Variants in FAM120B observed in about 807,000 individuals in gnomAD.
FAM120B encodes constitutive coactivator of peroxisome proliferator-activated receptor gamma.
A neutral mutation model predicts 96.3 loss-of-function variants in FAM120B; 83 were observed. That is an observed-to-expected ratio of 0.86 (90% CI 0.72 to 1.03). The LOEUF (loss-of-function observed/expected upper bound fraction) is 1.03, where lower values mean the gene tolerates loss of function less well. Among genes scored for constraint, FAM120B ranks in the 50% least tolerant of loss-of-function variants. The pLI is 0.00. For missense variants in FAM120B, 1,027 were observed against 1,121.2 expected (o/e 0.92, Z 1.20); for synonymous variants, 407 against 402.7 (o/e 1.01, Z -0.13).
At chr6:170,297,304 C>T (rs956828741) in intron 1 of FAM120B, among the ~76,000 whole-genome samples, 15 of 152,212 alleles carry the variant, frequency 9.9e-5, no homozygotes, top group Middle Eastern at 3.2e-3. Context: ...TCGAACGCGC[C>T]GTGCTTCCCC....
chr6:170,396,222 G>A (rs556343509), intron 9 of FAM120B, among the ~76,000 whole-genome samples: 15 of 152,216 alleles, frequency 9.9e-5, no homozygotes, highest in South Asian at 2.1e-4. Context: ...CTTTCACAAC[G>A]TCTAAAATGT....
At chr6:170,362,974 C>A (rs1470872702) in intron 6 of FAM120B, among the ~76,000 whole-genome samples, 1 of 152,132 alleles carries the variant, frequency 6.6e-6, no homozygotes, top group African/African-American at 2.4e-5. Context: ...CAGGAGCCAC[C>A]ACCGTGGCAA....
In FAM120B at chr6:170,365,938, T is replaced by C. The variant is rs75391832; in HGVS notation, c.2283+7620T>C. On this transcript the variant is annotated intron_variant, in intron 6 of 10. Coordinates refer to ENST00000476287, the MANE Select transcript of FAM120B (RefSeq NM_032448.3). The stretch of plus-strand genomic sequence containing the variant: ...CTGTGACAGGCTCAGCAGGTGTTGG[T>C]AAAAGGACCCTTGGCCAGAAATGCA... Among the ~76,000 whole-genome samples, 1,338 of 152,084 alleles carry C rather than the reference T, an allele frequency of 8.8e-3. 65 individuals are homozygous for C. In the East Asian group the frequency reaches 0.1, roughly 12 times the overall value.
intron 5 of FAM120B, among the ~76,000 whole-genome samples, chr6:170,352,321 C>A (rs1053713879): frequency 2.6e-5 from 4 of 152,182 alleles, no homozygotes; most frequent in Admixed American, 2.6e-4. Context: ...GACTCCCACA[C>A]AATAATAGTG....
intron 1 of FAM120B, among the ~76,000 whole-genome samples, chr6:170,297,551 C>T (rs1164235575): frequency 1.3e-5 from 2 of 152,204 alleles, no homozygotes; most frequent in Non-Finnish European, 2.9e-5. Context: ...CTCCCAAAGC[C>T]TTCCCTCCAG....
At chr6:170,334,988 G>A (rs565559992) in intron 4 of FAM120B, among the ~76,000 whole-genome samples, 1 of 146,330 alleles carries the variant, frequency 6.8e-6, no homozygotes, top group Non-Finnish European at 1.5e-5. Context: ...TTTGAATTTT[G>A]TTCATCTAAA....
At chr6:170,303,847 G>C (rs1784194984), upstream of FAM120B, among the ~76,000 whole-genome samples, 1 of 151,926 alleles carries the variant, frequency 6.6e-6, no homozygotes, top group South Asian at 2.1e-4. Flanking sequence ...TTCAATAATG[G>C]CCTCATTTAT....
At chr6:170,340,078 G>A (rs1786716398) in intron 4 of FAM120B, among the ~76,000 whole-genome samples, 1 of 152,128 alleles carries the variant, frequency 6.6e-6, no homozygotes, top group African/African-American at 2.4e-5. Context: ...ATATCCTAAA[G>A]TGTGTTTTCC....
At chr6:170,368,805 G>T (rs1487062107) in intron 6 of FAM120B, among the ~76,000 whole-genome samples, 1 of 97,596 alleles carries the variant, frequency 1.0e-5, no homozygotes, top group African/African-American at 3.9e-5. Flanking sequence ...CAGCAGCTCT[G>T]CTGTCTGCCG....
Position 170,330,414 on chromosome 6 carries a change from C to G in FAM120B, c.1916-35C>G, listed in dbSNP as rs375393734. ...CACTGTGAGCCTGGCGATGCATGCCCTCATGCATCTACTGACCCAACTCTT... is the reference window on the plus strand; with the variant it reads ...CACTGTGAGCCTGGCGATGCATGCCGTCATGCATCTACTGACCCAACTCTT... On this transcript the variant is annotated intron_variant, in intron 3 of 10. Coordinates refer to ENST00000476287, the MANE Select transcript of FAM120B (RefSeq NM_032448.3). 4 of 1,504,170 alleles carry G rather than the reference C, an allele frequency of 2.7e-6. No individual in the cohort carries two copies. The East Asian group carries it at 9.0e-5, about 34-fold the overall frequency. The allele number at this position is 1,504,170 out of a possible 1,614,324, so 93.2% of individuals were successfully genotyped here. A position where few individuals can be genotyped will look rare whatever the true frequency, so the allele number is the denominator to read the frequency against.
chr6:170,372,668 C>T (rs1789268739), intron 6 of FAM120B, among the ~76,000 whole-genome samples: 1 of 152,132 alleles, frequency 6.6e-6, no homozygotes, highest in Non-Finnish European at 1.5e-5. Flanking sequence ...GGGTTCTGCC[C>T]TCATGGAGCA....
chr6:170,386,649 C>G (rs1790202077), intron 6 of FAM120B, among the ~76,000 whole-genome samples: 1 of 152,206 alleles, frequency 6.6e-6, no homozygotes, highest in Non-Finnish European at 1.5e-5. Flanking sequence ...CAGAGGGCTT[C>G]CCTGTGAGTT....
upstream of FAM120B, among the ~76,000 whole-genome samples, chr6:170,293,863 T>C (rs1206200808): frequency 4.0e-5 from 6 of 151,798 alleles, no homozygotes; most frequent in East Asian, 1.9e-4. Flanking sequence ...TAGGAGCCTG[T>C]TGTAGTTTAA....
upstream of FAM120B, chr6:170,290,751 C>G (rs983743048): frequency 3.2e-4 from 145 of 457,172 alleles, 1 homozygote; most frequent in Non-Finnish European, 5.5e-5. This position sits in a 1 kb window ranked among gnomAD's most constrained non-coding sequence, Gnocchi z 4.7. Context: ...GCTCCGATCT[C>G]CGGTGTCACA....
Position 170,318,213 on chromosome 6 carries a change from C to G in FAM120B, c.823C>G (p.Leu275Val), listed in dbSNP as rs1785030305. 6.2e-7 allele frequency: 1 copy of G among 1,613,814 alleles called. No individual in the cohort carries two copies. Among genetic ancestry groups the G allele is most frequent in the Admixed American group, 1.7e-5 (1 of 59,932 alleles). Residue 275 changes from leucine (L) to valine (V), a missense_variant, in exon 2 of 11, where the codon CTT (leucine) becomes GTT (valine). Transcript: ENST00000476287. ...TGTGTCAGACCATATATCGAAAGTT[C>G]TTTACTTGTATCAAGGTGAGAAAAA... The part of the protein sequence containing the change: ...LAVSDHISKV[L>V]YLYQGEKKLE...
intron 1 of FAM120B, among the ~76,000 whole-genome samples, chr6:170,299,841 C>T (rs1056526838): frequency 1.3e-5 from 2 of 152,222 alleles, no homozygotes; most frequent in Non-Finnish European, 2.9e-5. Flanking sequence ...TGCTCTCCTT[C>T]TTTCTGCTCT....
intron 1 of FAM120B, among the ~76,000 whole-genome samples, chr6:170,309,898 A>G (rs1021650195): frequency 1.3e-5 from 2 of 152,230 alleles, no homozygotes; most frequent in African/African-American, 2.4e-5. Flanking sequence ...ACTTTCCTCA[A>G]TGCTCTCAAG....
chr6:170,321,772 C>T (rs532146107), intron 2 of FAM120B, among the ~76,000 whole-genome samples: 126 of 152,270 alleles, frequency 8.3e-4, no homozygotes, highest in African/African-American at 2.9e-3. Context: ...TTAATCCTCA[C>T]AGTAGTCCTG....
At chr6:170,337,634 A>T (rs1455984938) in intron 4 of FAM120B, among the ~76,000 whole-genome samples, 1 of 152,218 alleles carries the variant, frequency 6.6e-6, no homozygotes, top group Non-Finnish European at 1.5e-5. Flanking sequence ...CCTCTGGTAG[A>T]ATTCGACTGT....
Sources: allele counts gnomAD v4.1 joint callset (sites outside exome capture counted in the v4.1 genomes callset), GRCh38; gene constraint gnomAD v4.1.1; non-coding constraint Gnocchi (gnomAD v3.1); transcripts MANE v1.5; gene names NCBI Gene and HGNC (gene_info 2026-07-23, HGNC 2026-07-21).